RGL1: variants seen among roughly 807,000 people sequenced by gnomAD.
RGL1 encodes the protein ral guanine nucleotide dissociation stimulator like 1.
RGL1 carries 24 observed loss-of-function variants against 95.2 expected under a neutral mutation model. The observed-to-expected ratio is 0.25, with a 90% CI of 0.18 to 0.35. RGL1 has a LOEUF of 0.35. Ranked by LOEUF, RGL1 falls within the 10% of genes least tolerant of loss-of-function variation. The pLI, the probability that RGL1 is intolerant of heterozygous loss-of-function variation, is 1.00. For missense variants in RGL1, 715 were observed against 936.3 expected (o/e 0.76, Z 3.08); for synonymous variants, 329 against 344.9 (o/e 0.95, Z 0.51).
chr1:183,796,867 A>G (rs1393670828), intron 2 of RGL1, among the ~76,000 whole-genome samples: 1 of 152,170 alleles, frequency 6.6e-6, no homozygotes, highest in Admixed American at 6.5e-5. Context: ...TGATGGTTGT[A>G]TGTTTTGATC....
rs1318013280 is a variant in RGL1 at position 183,661,557 on chromosome 1, C to T, written c.-33+25056C>T. Among the ~76,000 whole-genome samples, 4 of 152,088 alleles carry T rather than the reference C, an allele frequency of 2.6e-5. No individual in the cohort carries two copies. In the East Asian group the frequency reaches 7.7e-4, roughly 29 times the overall value. On this transcript the variant is annotated intron_variant, in intron 1 of 18. Transcript: ENST00000304685. ...CCAATAACAGGCTCTGAAATTGTGG[C>T]AATAATCAATAGCTTACCAACGAAA...
intron 3 of RGL1, 120 bp downstream of exon 3, chr1:183,847,894 G>A (rs1437206205): frequency 2.4e-5 from 17 of 717,830 alleles, no homozygotes; most frequent in Non-Finnish European, 3.0e-5. Flanking sequence ...AAAGATTAAC[G>A]GGAAGGGATG....
intron 17 of RGL1, among the ~76,000 whole-genome samples, chr1:183,923,523 T>C (rs6424917): frequency 0.58 from 88,177 of 151,878 alleles, 25,632 homozygotes; most frequent in African/African-American, 0.6. Flanking sequence ...AAGGTGAGGC[T>C]GGTGGGTCTA....
intron 1 of RGL1, among the ~76,000 whole-genome samples, chr1:183,719,558 A>G (rs1221262234): frequency 2.6e-5 from 4 of 152,156 alleles, no homozygotes; most frequent in African/African-American, 9.7e-5. Flanking sequence ...GGGGATTACT[A>G]GGAAGAAGTA....
At chr1:183,875,215 T>C (rs903439941) in intron 4 of RGL1, among the ~76,000 whole-genome samples, 1 of 152,192 alleles carries the variant, frequency 6.6e-6, no homozygotes, top group African/African-American at 2.4e-5. Flanking sequence ...GAACTCTAGA[T>C]GGATAGTGTT....
Position 183,892,131 on chromosome 1 carries a change from C to T in RGL1, c.1110C>T (p.Asn370=). The T allele has an allele frequency of 6.2e-7, 1 of 1,612,650 alleles. No individual in the cohort carries two copies. The highest frequency in any genetic ancestry group is 8.5e-7 in the Non-Finnish European group (1 of 1,179,210). ...ELSDIFSDHN[N]HLTSRELLMK... ...CAGATATCTTCTCAGACCATAATAA[C>T]CATTTGACCAGCCGAGAACTACTGA... is the stretch of plus-strand genomic sequence containing the variant. The change falls in exon 9 of 18, where the codon AAC becomes AAT. Residue 370 remains asparagine (N), a synonymous_variant. Transcript: ENST00000360851.
intron 1 of RGL1, among the ~76,000 whole-genome samples, chr1:183,666,392 A>G (rs896648117): frequency 7.2e-5 from 11 of 151,950 alleles, no homozygotes; most frequent in Admixed American, 6.6e-4. Flanking sequence ...ATTTTGAAAC[A>G]TTGTATTTTC....
At chr1:183,795,947 C>G (rs1311702722) in intron 2 of RGL1, among the ~76,000 whole-genome samples, 1 of 151,886 alleles carries the variant, frequency 6.6e-6, no homozygotes, top group South Asian at 2.1e-4. Context: ...TTAACATAGT[C>G]TCCTAAGCAT....
intron 1 of RGL1, among the ~76,000 whole-genome samples, chr1:183,683,781 C>T (rs1653382606): frequency 1.3e-5 from 2 of 152,226 alleles, no homozygotes; most frequent in Non-Finnish European, 2.9e-5. Flanking sequence ...ATTCCATTCT[C>T]CCTGTCACTT....
chr1:183,652,134 A>C (rs949113868), intron 1 of RGL1, among the ~76,000 whole-genome samples: 2 of 152,214 alleles, frequency 1.3e-5, no homozygotes, highest in African/African-American at 4.8e-5. Flanking sequence ...GGTGATGTGT[A>C]TGTGGAGTTA....
chr1:183,813,965 A>T (rs1245987292), intron 2 of RGL1, among the ~76,000 whole-genome samples: 1 of 152,154 alleles, frequency 6.6e-6, no homozygotes, highest in East Asian at 1.9e-4. Flanking sequence ...TCACCTTATA[A>T]TGTCACTTAT....
chr1:183,883,648 G>C, intron 5 of RGL1, 138 bp from the exon 6 acceptor site: 1 of 818,276 alleles, frequency 1.2e-6, no homozygotes, highest in Non-Finnish European at 2.0e-6. Flanking sequence ...CAGATGCATT[G>C]TGCTTGTGGT....
chr1:183,670,305 C>T (rs1652353381), intron 1 of RGL1, among the ~76,000 whole-genome samples: 1 of 152,206 alleles, frequency 6.6e-6, no homozygotes, highest in Non-Finnish European at 1.5e-5. Context: ...CCCCAGTAGG[C>T]TCTGGTAAAA....
intron 4 of RGL1, among the ~76,000 whole-genome samples, chr1:183,874,650 T>A (rs185402865): frequency 6.6e-6 from 1 of 152,228 alleles, no homozygotes; most frequent in East Asian, 1.9e-4. Context: ...CTCCTAGTAT[T>A]TGAATCCCTG....
chr1:183,660,477 G>T (rs1651534293), intron 1 of RGL1, among the ~76,000 whole-genome samples: 1 of 151,426 alleles, frequency 6.6e-6, no homozygotes, highest in Non-Finnish European at 1.5e-5. Flanking sequence ...TTACATAATG[G>T]TAAAGGGATC....
chr1:183,715,353 C>A (rs557479633), intron 1 of RGL1, among the ~76,000 whole-genome samples: 1 of 152,046 alleles, frequency 6.6e-6, no homozygotes, highest in African/African-American at 2.4e-5. Flanking sequence ...CACAACCAAC[C>A]TCACCTCATT....
At chr1:183,781,894 T>C (rs1037478777) in intron 2 of RGL1, among the ~76,000 whole-genome samples, 3 of 152,330 alleles carry the variant, frequency 2.0e-5, no homozygotes, top group African/African-American at 4.8e-5. Flanking sequence ...GTTATGCCCA[T>C]TTGCACTCTC....
Position 183,723,680 on chromosome 1 carries a change from C to T in RGL1, c.-32-18446C>T, listed in dbSNP as rs572645560. ...GGAACTTGAGTTCTGGCAAGCCTCC[C>T]CACCACAGGCTAAAGTGCTCTGGGG... On this transcript the variant is annotated intron_variant, in intron 1 of 18. Coordinates refer to the RGL1 transcript ENST00000304685. Among the ~76,000 whole-genome samples the T allele has an allele frequency of 1.4e-4, 22 of 152,290 alleles. No homozygotes were observed. In the South Asian group the frequency reaches 4.6e-3, roughly 32 times the overall value.
chr1:183,858,877 C>T (rs1359295399), intron 3 of RGL1, among the ~76,000 whole-genome samples: 2 of 152,128 alleles, frequency 1.3e-5, no homozygotes, highest in African/African-American at 2.4e-5. Flanking sequence ...TGAAAGGATG[C>T]CATGATACTA....
Sources: gnomAD v4.1 joint callset for allele counts (sites outside exome capture counted in the v4.1 genomes callset) on GRCh38, gnomAD v4.1.1 for gene constraint, MANE v1.5 for transcripts, NCBI Gene and HGNC (gene_info 2026-07-23, HGNC 2026-07-21) for gene names.